Variants in NSUN5 observed in about 807,000 individuals in gnomAD.
NSUN5 encodes the protein NOP2/Sun RNA methyltransferase 5, also known as 28S rRNA (cytosine-C(5))-methyltransferase.
In NSUN5, 39 loss-of-function variants were observed where a neutral mutation model predicts 51.1. The ratio of observed to expected loss-of-function variants is 0.76; its 90% CI spans 0.59 to 1.00. NSUN5 has a LOEUF of 1.00. Among genes scored for constraint, NSUN5 ranks in the 50% least tolerant of loss-of-function variants. The pLI, the probability that NSUN5 is intolerant of heterozygous loss-of-function variation, is 0.00. For synonymous variants in NSUN5, 266 were observed against 271.5 expected (o/e 0.98, Z 0.20); for missense variants, 526 against 614.0 (o/e 0.86, Z 1.51).
Position 73,307,765 on chromosome 7 carries a change from T to C in NSUN5, c.217-8A>G. The C allele has an allele frequency of 6.5e-7, 1 of 1,539,286 alleles. No homozygotes were observed. Among genetic ancestry groups the C allele is most frequent in the Non-Finnish European group, 8.8e-7 (1 of 1,139,792 alleles). On this transcript the variant is annotated splice_polypyrimidine_tract_variant and splice_region_variant and intron_variant, in intron 2 of 9. Transcript: ENST00000438747. ...CAACTCATACACTAGCACCTGGGAA[T>C]GAGGGAACAAAGACAAAAACAAAAA...
At chr7:73,307,253 A>G in intron 4 of NSUN5, 141 bp downstream of exon 4, 2 of 632,876 alleles carry the variant, frequency 3.2e-6, no homozygotes, top group Non-Finnish European at 5.6e-6. Context: ...GATGGCAGGA[A>G]GACAAACCTT....
chr7:73,308,046 C>CT (rs1183270825), intron 2 of NSUN5: 1 of 472,862 alleles, frequency 2.1e-6, no homozygotes, highest in African/African-American at 2.0e-5. Context: ...TTTGGGTTTT[C>CT]TTTTTAGAAT....
In NSUN5 at chr7:73,304,398, C is replaced by T; in HGVS notation, c.766G>A (p.Ala256Thr). 5 of 1,611,364 alleles carry T rather than the reference C, an allele frequency of 3.1e-6. No homozygotes were observed. In the South Asian group the frequency reaches 4.4e-5, roughly 14 times the overall value. ...AGCCGCTTGGCATCCAGGTCAAAGG[C>T]AAAGATCTTCCTAGGGCAAAGCAGG... is the stretch of plus-strand genomic sequence containing the variant. Reference protein sequence around the residue: ...ALLKNQGKIFAFDLDAKRLAS... With the variant: ...ALLKNQGKIFTFDLDAKRLAS... Residue 256 changes from alanine (A) to threonine (T), a missense_variant, in exon 7 of 10, where the codon GCC becomes ACC. Physicochemically the swap from Ala to Thr is moderately conservative, Grantham distance 58. Coordinates refer to ENST00000438747, the MANE Select transcript of NSUN5 (RefSeq NM_148956.4).
intron 2 of NSUN5, chr7:73,308,210 T>G: frequency 1.7e-6 from 1 of 598,048 alleles, no homozygotes; most frequent in Non-Finnish European, 2.8e-6. Flanking sequence ...CCTTACAGTC[T>G]CCGCCACTAC....
In NSUN5 at chr7:73,304,855, C is replaced by T. The variant is rs1554541573; in HGVS notation, c.647G>A (p.Cys216Tyr). ...GHLILQDRAS[C>Y]LPAMLLDPPP... ...GGGGTCCAGCAGCATGGCTGGGAGA[C>T]AGCTGGCCTGGCAGGCAGAGCACAG... is the stretch of plus-strand genomic sequence containing the variant. Residue 216 changes from cysteine to tyrosine, a missense_variant, in exon 6 of 10, where the codon TGT becomes TAT. Cys to Tyr is a radical substitution (Grantham distance 194). Coordinates refer to ENST00000438747, the MANE Select transcript of NSUN5 (RefSeq NM_148956.4). The T allele has an allele frequency of 1.2e-6, 2 of 1,613,904 alleles. No individual in the cohort carries two copies. The highest frequency in any genetic ancestry group is 2.2e-5 in the East Asian group (1 of 44,872).
At position 73,303,923 on chromosome 7, in the gene NSUN5, A is replaced by T; in HGVS notation, c.1048T>A (p.Ser350Thr). The T allele has an allele frequency of 6.2e-7, 1 of 1,613,944 alleles. No homozygotes were observed. Among genetic ancestry groups the T allele is most frequent in the Middle Eastern group, 1.7e-4 (1 of 5,976 alleles). ...RALCHALTFPSLQRLVYSTCS... is the reference protein window; with the variant it reads ...RALCHALTFPTLQRLVYSTCS... The stretch of plus-strand genomic sequence containing the variant: ...GTGGAGTAGACGAGCCGCTGCAGGG[A>T]AGGGAAAGTGAGTGCGTGGCACAGG... Residue 350 changes from serine to threonine, a missense_variant, in exon 8 of 10, where the codon TCC (serine) becomes ACC (threonine). Transcript: ENST00000438747.
chr7:73,303,602 T>C lies in NSUN5; in HGVS notation c.1284A>G (p.Pro428=). 1 of 1,614,178 alleles carries C rather than the reference T, an allele frequency of 6.2e-7. No individual in the cohort carries two copies. Among genetic ancestry groups the C allele is most frequent in the South Asian group, 1.1e-5 (1 of 91,086 alleles). The change falls in exon 9 of 10, where the codon CCA becomes CCG. Residue 428 remains proline, a splice_region_variant and synonymous_variant. Transcript: ENST00000438747. ...FVAVIERVEV[P]SSASQAKASA... ...CAAGCACGCCCCCACTCACTCACCT[T>C]GGCACCTCGACCCGTTCAATTACAG...
intron 6 of NSUN5, 103 bp from the exon 7 acceptor site, chr7:73,304,511 G>GGCC (rs1803954222): frequency 8.4e-7 from 1 of 1,193,012 alleles, no homozygotes; most frequent in African/African-American, 1.5e-5. Context: ...ATATTGAAAC[G>GGCC]GCCTACGTTT....
intron 4 of NSUN5, among the ~76,000 whole-genome samples, chr7:73,307,128 A>G (rs574221551): frequency 6.6e-6 from 1 of 152,128 alleles, no homozygotes; most frequent in Non-Finnish European, 1.5e-5. Flanking sequence ...GCAAGAGGGA[A>G]GTCTACACTG....
Position 73,308,682 on chromosome 7 carries a change from C to T in NSUN5, c.93+16G>A. 1.2e-6 allele frequency: 2 copies of T among 1,607,940 alleles called. No homozygotes were observed. The highest frequency in any genetic ancestry group is 1.7e-6 in the Non-Finnish European group (2 of 1,176,578). On this transcript the variant is annotated intron_variant, in intron 1 of 9. Coordinates refer to ENST00000438747, the MANE Select transcript of NSUN5 (RefSeq NM_148956.4). The stretch of plus-strand genomic sequence containing the variant: ...CCTCACTCCCCACCCCTACTACTCG[C>T]GCCCAGGTCCGCTACCTGGAAGTTG...
At chr7:73,308,031 G>T (rs1345501563) in intron 2 of NSUN5, 8 of 482,050 alleles carry the variant, frequency 1.7e-5, no homozygotes, top group Middle Eastern at 5.4e-4. Flanking sequence ...TTACCCTTTC[G>T]TGGGTTTGGG....
chr7:73,307,255 A>G, intron 4 of NSUN5, 139 bp downstream of exon 4: 1 of 639,118 alleles, frequency 1.6e-6, no homozygotes, highest in Non-Finnish European at 2.7e-6. Flanking sequence ...TGGCAGGAAG[A>G]CAAACCTTGG....
rs534320700 is a variant in NSUN5 at position 73,307,624 on chromosome 7, C to T, written c.350G>A (p.Arg117Gln). ...TCCCACTTCCAACAGGTCCTCATTC[C>T]GGCTCACACCCCGATGAACCTTGAG... is the stretch of plus-strand genomic sequence containing the variant. ...ARLKVHRGVS[R>Q]NEDLLEVGSR... The change falls in exon 3 of 10, where the codon CGG becomes CAG. Residue 117 changes from arginine to glutamine, a missense_variant. Coordinates refer to ENST00000438747, the MANE Select transcript of NSUN5 (RefSeq NM_148956.4). The T allele has an allele frequency of 2.9e-5, 46 of 1,610,670 alleles. No homozygotes were observed. In the East Asian group the frequency reaches 7.6e-4, roughly 27 times the overall value.
In NSUN5 at chr7:73,302,937, G is replaced by A; in HGVS notation, c.*478C>T. ...TGTTAGGATTGGAGGGTCTGGGTGGGCCTGGGCCTAGCAATCAAGCTTCTA... is the reference window on the plus strand; with the variant it reads ...TGTTAGGATTGGAGGGTCTGGGTGGACCTGGGCCTAGCAATCAAGCTTCTA... On this transcript the variant is annotated 3_prime_UTR_variant, in exon 10 of 10. Transcript: ENST00000438747. The A allele has an allele frequency of 2.8e-6, 3 of 1,090,176 alleles. No individual in the cohort carries two copies. Among genetic ancestry groups the A allele is most frequent in the Non-Finnish European group, 3.4e-6 (3 of 891,718 alleles). The allele number at this position is 1,090,176 out of a possible 1,614,324, so 67.5% of individuals were successfully genotyped here.
At position 73,304,992 on chromosome 7, in the gene NSUN5, C is replaced by T. The variant is rs782523833; in HGVS notation, c.606G>A (p.Leu202=). 3 of 1,611,796 alleles carry T rather than the reference C, an allele frequency of 1.9e-6. No individual in the cohort carries two copies. Among genetic ancestry groups the T allele is most frequent in the South Asian group, 1.1e-5 (1 of 91,018 alleles). Reference sequence around the variant, plus strand: ...GCAGAATGAGGTGTCCGGCCCGGTACAGTGGGTGTTCATGCAGATCTGTCT... The same window carrying T: ...GCAGAATGAGGTGTCCGGCCCGGTATAGTGGGTGTTCATGCAGATCTGTCT... ...PAQTDLHEHP[L]YRAGHLILQD... is the part of the protein sequence containing the mutation. Residue 202 remains leucine (L), a synonymous_variant, in exon 5 of 10, where the codon CTG becomes CTA. Coordinates refer to ENST00000438747, the MANE Select transcript of NSUN5 (RefSeq NM_148956.4).
In NSUN5 at chr7:73,303,559, G is replaced by C. The variant is rs781977977; in HGVS notation, c.1287-30C>G. The C allele has an allele frequency of 5.0e-6, 8 of 1,614,196 alleles. No homozygotes were observed. The Admixed American group carries it at 1.3e-4, about 27-fold the overall frequency. On this transcript the variant is annotated intron_variant, in intron 9 of 9. Coordinates refer to ENST00000438747, the MANE Select transcript of NSUN5 (RefSeq NM_148956.4). ...AGAAGTGTAGATGTTAGATGTGCCGGTGCCATCCTGCGCCTCCCAAGCACG... is the reference window on the plus strand; with the variant it reads ...AGAAGTGTAGATGTTAGATGTGCCGCTGCCATCCTGCGCCTCCCAAGCACG...
In NSUN5 at chr7:73,304,086, C is replaced by G. The variant is rs372035212; in HGVS notation, c.935-50G>C. 25 of 1,597,168 alleles carry G rather than the reference C, an allele frequency of 1.6e-5. No individual in the cohort carries two copies. The African/African-American group carries it at 2.7e-4, about 17-fold the overall frequency. Reference sequence around the variant, plus strand: ...CATAGCTTCACAGGCTACCTCAGTCCTGAAATCCTCGCTTCACAGAGGAGA... The same window carrying G: ...CATAGCTTCACAGGCTACCTCAGTCGTGAAATCCTCGCTTCACAGAGGAGA... On this transcript the variant is annotated intron_variant, in intron 7 of 9. Coordinates refer to ENST00000438747, the MANE Select transcript of NSUN5 (RefSeq NM_148956.4).
At position 73,307,744 on chromosome 7, in the gene NSUN5, T is replaced by G; in HGVS notation, c.230A>C (p.Glu77Ala). 1.3e-6 allele frequency: 2 copies of G among 1,563,672 alleles called. No individual in the cohort carries two copies. The highest frequency in any genetic ancestry group is 1.7e-6 in the Non-Finnish European group (2 of 1,154,646). ...RPHLAKVLVYELLLGKGFRGG... is the reference protein window; with the variant it reads ...RPHLAKVLVYALLLGKGFRGG... The stretch of plus-strand genomic sequence containing the variant: ...TCGAAAGCCCTTTCCCAACAACAAC[T>G]CATACACTAGCACCTGGGAATGAGG... Residue 77 changes from glutamate to alanine, a missense_variant, in exon 3 of 10, where the codon GAG becomes GCG. Transcript: ENST00000438747.
At position 73,303,009 on chromosome 7, in the gene NSUN5, T is replaced by A; in HGVS notation, c.*406A>T. ...ACCCTCCTAGTGTCAGCACCTGAGC[T>A]AGTTTACCTCAGTTCCGCAGGCAGG... is the stretch of plus-strand genomic sequence containing the variant. On this transcript the variant is annotated 3_prime_UTR_variant, in exon 10 of 10. Coordinates refer to ENST00000438747, the MANE Select transcript of NSUN5 (RefSeq NM_148956.4). 8.0e-7 allele frequency: 1 copy of A among 1,251,440 alleles called. No individual in the cohort carries two copies. Among genetic ancestry groups the A allele is most frequent in the Non-Finnish European group, 1.0e-6 (1 of 988,936 alleles). The allele number at this position is 1,251,440 out of a possible 1,614,324, so 77.5% of individuals were successfully genotyped here.
Sources: allele counts gnomAD v4.1 joint callset (sites outside exome capture counted in the v4.1 genomes callset), GRCh38; gene constraint gnomAD v4.1.1; transcripts MANE v1.5; gene names NCBI Gene and HGNC (gene_info 2026-07-23, HGNC 2026-07-21).